Variants in MYO1G observed in about 807,000 individuals in gnomAD.
MYO1G encodes unconventional myosin-Ig.
MYO1G carries 65 observed loss-of-function variants against 115.3 expected under a neutral mutation model. The observed-to-expected ratio is 0.56, with a 90% CI of 0.46 to 0.69. The LOEUF (loss-of-function observed/expected upper bound fraction) is 0.69. Among genes scored for constraint, MYO1G ranks in the 30% least tolerant of loss-of-function variants. MYO1G has a pLI of 0.00. For missense variants in MYO1G, 1,204 were observed against 1,393.5 expected, an observed-to-expected ratio of 0.86 and a Z score of 2.16; for synonymous variants, 510 against 552.6, an observed-to-expected ratio of 0.92 and a Z score of 1.08.
At position 44,966,223 on chromosome 7, in the gene MYO1G, T is replaced by C; in HGVS notation, c.2007A>G (p.Ala669=). Residue 669 remains alanine (A), a synonymous_variant, in exon 16 of 22, where the codon GCA becomes GCG. Transcript: ENST00000258787. This position sits in a 1 kb window ranked among gnomAD's most constrained non-coding sequence, Gnocchi z 5.0. ...GCTGCTCCAGGAGAGCGCTCACGGCTGCCTTGTCGGAGCCCAGCAGGTGGT... is the reference window on the plus strand; with the variant it reads ...GCTGCTCCAGGAGAGCGCTCACGGCCGCCTTGTCGGAGCCCAGCAGGTGGT... ...WPNHLLGSDK[A]AVSALLEQHG... 6.2e-7 allele frequency: 1 copy of C among 1,612,436 alleles called. No homozygotes were observed. The highest frequency in any genetic ancestry group is 8.5e-7 in the Non-Finnish European group (1 of 1,179,794).
At chr7:44,977,203 G>C (rs983542932) in intron 1 of MYO1G, 132 bp from the exon 2 acceptor site, 4 of 800,500 alleles carry the variant, frequency 5.0e-6, no homozygotes, top group African/African-American at 3.5e-5. Flanking sequence ...AGTGGAGAAG[G>C]AAGAAGGGGG....
In MYO1G at chr7:44,971,701, T is replaced by C. The variant is rs576547378; in HGVS notation, c.818A>G (p.His273Arg). 1.3e-4 allele frequency: 201 copies of C among 1,558,246 alleles called. 1 individual carries two copies. The South Asian group carries it at 2.2e-3, about 17-fold the overall frequency. Reference sequence around the variant, plus strand: ...GTGCAATATGGCAGCCAGGATGCGATGCACAGACTCCACCTCTTCAGGACT... The same window carrying C: ...GTGCAATATGGCAGCCAGGATGCGACGCACAGACTCCACCTCTTCAGGACT... ...GFSPEEVESV[H>R]RILAAILHLG... The change falls in exon 7 of 22, where the codon CAT becomes CGT. Residue 273 changes from histidine to arginine, a missense_variant. By Grantham distance (29) the His-to-Arg change is conservative. Transcript: ENST00000258787.
At position 44,962,870 on chromosome 7, in the gene MYO1G, C is replaced by G; in HGVS notation, c.2926G>C (p.Val976Leu). 6.7e-7 allele frequency: 1 copy of G among 1,497,512 alleles called. No individual in the cohort carries two copies. The highest frequency in any genetic ancestry group is 8.9e-7 in the Non-Finnish European group (1 of 1,124,980). 92.8% of individuals were successfully genotyped at this position (1,497,512 alleles called of 1,614,324 possible). The change falls in exon 22 of 22, where the codon GTC (valine) becomes CTC (leucine). Residue 976 changes from valine to leucine, a missense_variant. Val to Leu is a conservative substitution (Grantham distance 32). Transcript: ENST00000258787. The surrounding 1 kb of genome is among the most constrained non-coding windows in gnomAD (Gnocchi z 5.3). ...QGEGRTLEVR[V>L]SDCIPLSHRG... is the part of the protein sequence containing the mutation. ...TGGCTTAGTGGGATGCAGTCGGAGA[C>G]GCGAACCTCCAGGGTGCGGCCCTCC...
chr7:44,963,152 G>A lies in MYO1G; in HGVS notation c.2746-28C>T. 1.4e-6 allele frequency: 2 copies of A among 1,411,682 alleles called. No homozygotes were observed. Among genetic ancestry groups the A allele is most frequent in the Admixed American group, 3.0e-5 (1 of 32,976 alleles). The allele number at this position is 1,411,682 out of a possible 1,614,324, so 87.4% of individuals were successfully genotyped here. A position where few individuals can be genotyped will look rare whatever the true frequency, so the allele number is the denominator to read the frequency against. ...GAGCGGAGCGCGGGGTCAGAGTGCAGCCGCCTCAACCCGCACCCCAGCCTA... is the reference window on the plus strand; with the variant it reads ...GAGCGGAGCGCGGGGTCAGAGTGCAACCGCCTCAACCCGCACCCCAGCCTA... On this transcript the variant is annotated intron_variant, in intron 20 of 21. Coordinates refer to ENST00000258787, the MANE Select transcript of MYO1G (RefSeq NM_033054.3). This position sits in a 1 kb window ranked among gnomAD's most constrained non-coding sequence, Gnocchi z 4.1.
In MYO1G at chr7:44,966,750, T is replaced by TA; in HGVS notation, c.1870dup (p.Tyr624LeufsTer33). ...CCTCACATTCTCCAGCAGCCCCAGG[T>TA]ATGCGACCTGGTGGCGACAGTGGTT... On this transcript the variant is annotated frameshift_variant, in exon 15 of 22. Transcript: ENST00000258787. LOFTEE classifies it high-confidence loss of function. The surrounding 1 kb of genome is among the most constrained non-coding windows in gnomAD (Gnocchi z 5.0). 1 of 1,613,488 alleles carries TA rather than the reference T, an allele frequency of 6.2e-7. No individual in the cohort carries two copies. The highest frequency in any genetic ancestry group is 8.5e-7 in the Non-Finnish European group (1 of 1,179,990).
In MYO1G at chr7:44,963,230, G is replaced by A. The variant is rs1440425987; in HGVS notation, c.2746-106C>T. 3.8e-6 allele frequency: 5 copies of A among 1,320,856 alleles called. No individual in the cohort carries two copies. The African/African-American group carries it at 6.3e-5, about 17-fold the overall frequency. The allele number at this position is 1,320,856 out of a possible 1,614,324, so 81.8% of individuals were successfully genotyped here. A position where few individuals can be genotyped will look rare whatever the true frequency, so the allele number is the denominator to read the frequency against. On this transcript the variant is annotated intron_variant, in intron 20 of 21. Transcript: ENST00000258787. The surrounding 1 kb of genome is among the most constrained non-coding windows in gnomAD (Gnocchi z 4.1). Reference sequence around the variant, plus strand: ...CTCTGCCGAACCCCCAACCGCACCCGGGGAGCGCCGCCCTCGCCAGGGCCA... The same window carrying A: ...CTCTGCCGAACCCCCAACCGCACCCAGGGAGCGCCGCCCTCGCCAGGGCCA...
intron 6 of MYO1G, 104 bp from the exon 7 acceptor site, chr7:44,971,893 C>T (rs1794965354): frequency 2.3e-6 from 2 of 870,984 alleles, no homozygotes; most frequent in South Asian, 1.6e-5. Flanking sequence ...CACCCCTGTC[C>T]CCTGTCCCCT....
At position 44,976,830 on chromosome 7, in the gene MYO1G, C is replaced by T. The variant is rs201946113; in HGVS notation, c.304+33G>A. On this transcript the variant is annotated intron_variant, in intron 2 of 21. Coordinates refer to ENST00000258787, the MANE Select transcript of MYO1G (RefSeq NM_033054.3). The stretch of plus-strand genomic sequence containing the variant: ...CCCAAATGTTCACAAATGAAGATGC[C>T]GAGGGTGGGGGCCCGGCGGCAGGGA... 23 of 1,609,274 alleles carry T rather than the reference C, an allele frequency of 1.4e-5. No individual in the cohort carries two copies. The East Asian group carries it at 1.8e-4, about 13-fold the overall frequency.
chr7:44,967,663 G>A lies in MYO1G; in HGVS notation c.1724C>T (p.Thr575Met), dbSNP rs370788368. ...GGAGTTCTTGAAGAGTGTGCCAGCC[G>A]TCAGGGGGCGCTTGGTCACCTCTGT... ...DITEVTKRPL[T>M]AGTLFKNSMV... Residue 575 changes from threonine to methionine, a missense_variant, in exon 14 of 22, where the codon ACG (threonine) becomes ATG (methionine). Transcript: ENST00000258787. 6.2e-6 allele frequency: 10 copies of A among 1,613,814 alleles called. No homozygotes were observed. In the South Asian group the frequency reaches 6.6e-5, roughly 11 times the overall value.
chr7:44,966,349 C>T lies in MYO1G; in HGVS notation c.1950-69G>A. 1.5e-6 allele frequency: 2 copies of T among 1,369,930 alleles called. No individual in the cohort carries two copies. Among genetic ancestry groups the T allele is most frequent in the Admixed American group, 2.0e-5 (1 of 50,460 alleles). The allele number at this position is 1,369,930 out of a possible 1,614,324, so 84.9% of individuals were successfully genotyped here. On this transcript the variant is annotated intron_variant, in intron 15 of 21. Coordinates refer to ENST00000258787, the MANE Select transcript of MYO1G (RefSeq NM_033054.3). The surrounding 1 kb of genome is among the most constrained non-coding windows in gnomAD (Gnocchi z 5.0). The stretch of plus-strand genomic sequence containing the variant: ...AGATGATGGAGCCCACCCTGCCCAC[C>T]CCACACCTGGGGAGATGGCAGGGAT...
rs1369782302 is a variant in MYO1G at position 44,974,921 on chromosome 7, C to G, written c.618+253G>C. ...AGAGACACTTATGGGTCCCAGAGAG[C>G]CCTCATCTGGAGGTGTCTCAGATAA... On this transcript the variant is annotated intron_variant, in intron 5 of 21. Coordinates refer to ENST00000258787, the MANE Select transcript of MYO1G (RefSeq NM_033054.3). 4 of 565,882 alleles carry G rather than the reference C, an allele frequency of 7.1e-6. No homozygotes were observed. The African/African-American group carries it at 7.5e-5, about 11-fold the overall frequency. 35.1% of individuals were successfully genotyped at this position (565,882 alleles called of 1,614,324 possible). A position where few individuals can be genotyped will look rare whatever the true frequency, so the allele number is the denominator to read the frequency against.
rs569615080 is a variant in MYO1G, at chr7:44,970,618, A to G, written c.1191T>C (p.Tyr397=). ...KDTVIGVLDI[Y]GFEVFPVNSF... is the part of the protein sequence containing the mutation. Reference sequence around the variant, plus strand: ...TGTTGACGGGAAACACCTCGAAGCCATAGATGTCCAGCACGCCAATGACTG... The same window carrying G: ...TGTTGACGGGAAACACCTCGAAGCCGTAGATGTCCAGCACGCCAATGACTG... Residue 397 remains tyrosine, a synonymous_variant, in exon 9 of 22, where the codon TAT becomes TAC. Coordinates refer to ENST00000258787, the MANE Select transcript of MYO1G (RefSeq NM_033054.3). 8.1e-6 allele frequency: 13 copies of G among 1,613,656 alleles called. No individual in the cohort carries two copies. Among genetic ancestry groups the G allele is most frequent in the African/African-American group, 2.7e-5 (2 of 75,064 alleles).
rs533218684 is a variant in MYO1G at position 44,967,951 on chromosome 7, C to T, written c.1582G>A (p.Val528Met). The T allele has an allele frequency of 3.6e-5, 58 of 1,613,894 alleles. No individual in the cohort carries two copies. The highest frequency in any genetic ancestry group is 4.5e-5 in the Non-Finnish European group (53 of 1,179,990). The change falls in exon 13 of 22, where the codon GTG becomes ATG. Residue 528 changes from valine (V) to methionine (M), a missense_variant. Val to Met is a conservative substitution (Grantham distance 21). Coordinates refer to ENST00000258787, the MANE Select transcript of MYO1G (RefSeq NM_033054.3). ...CTGTTCTTGTCGATGAAGCCTTCCACGGAGTACCTACCAGAAGCCAGGGCT... is the reference window on the plus strand; with the variant it reads ...CTGTTCTTGTCGATGAAGCCTTCCATGGAGTACCTACCAGAAGCCAGGGCT... Reference protein sequence around the residue: ...KHYAGDVTYSVEGFIDKNRDF... With the variant: ...KHYAGDVTYSMEGFIDKNRDF...
chr7:44,972,347 GA>G, intron 5 of MYO1G, 122 bp from the exon 6 acceptor site: 1 of 727,730 alleles, frequency 1.4e-6, no homozygotes, highest in Non-Finnish European at 2.4e-6. Context: ...AAACGTGGGG[GA>G]AGGTCAGACA....
At chr7:44,975,128 CT>C (rs756900031) in intron 5 of MYO1G, 45 bp downstream of exon 5, 3 of 1,603,934 alleles carry the variant, frequency 1.9e-6, no homozygotes, top group Non-Finnish European at 1.7e-6. Context: ...GCTGCCCTCC[CT>C]TTCCCCACCC....
chr7:44,969,564 AG>A lies in MYO1G; in HGVS notation c.1504-82del. On this transcript the variant is annotated intron_variant, in intron 11 of 21. Coordinates refer to ENST00000258787, the MANE Select transcript of MYO1G (RefSeq NM_033054.3). The surrounding 1 kb of genome is among the most constrained non-coding windows in gnomAD (Gnocchi z 5.0). ...GGGATAGCCCTGCCTCCCCACCTCC[AG>A]GGCAGAGAAGGTTGCCACAGTGACG... 1.3e-6 allele frequency: 2 copies of A among 1,583,374 alleles called. No homozygotes were observed. The highest frequency in any genetic ancestry group is 1.7e-6 in the Non-Finnish European group (2 of 1,153,658).
chr7:44,975,621 A>T lies in MYO1G; in HGVS notation c.427T>A (p.Cys143Ser). 6.2e-7 allele frequency: 1 copy of T among 1,613,292 alleles called. No individual in the cohort carries two copies. The highest frequency in any genetic ancestry group is 8.5e-7 in the Non-Finnish European group (1 of 1,179,460). Residue 143 changes from cysteine to serine, a missense_variant, in exon 4 of 22, where the codon TGT (cysteine) becomes AGT (serine). Transcript: ENST00000258787. ...RVKDVLLKST[C>S]VLEAFGNART... ...GCATTGCCAAAGGCCTCCAGCACAC[A>T]GGTGGACTTGAGCAGCACGTCCTTG...
Position 44,963,937 on chromosome 7 carries a change from T to A in MYO1G, c.2745+112A>T. On this transcript the variant is annotated intron_variant, in intron 20 of 21. Coordinates refer to ENST00000258787, the MANE Select transcript of MYO1G (RefSeq NM_033054.3). This position sits in a 1 kb window ranked among gnomAD's most constrained non-coding sequence, Gnocchi z 4.1. ...GTGCCACCATCGCTGAGTTTTAGGA[T>A]GGTCTGGGCCATCTCAGGTAAACAG... 1.2e-6 allele frequency: 1 copy of A among 869,534 alleles called. No individual in the cohort carries two copies. Among genetic ancestry groups the A allele is most frequent in the Non-Finnish European group, 1.8e-6 (1 of 553,458 alleles). 53.9% of individuals were successfully genotyped at this position (869,534 alleles called of 1,614,324 possible). A position where few individuals can be genotyped will look rare whatever the true frequency, so the allele number is the denominator to read the frequency against.
chr7:44,978,862 C>T lies in MYO1G; in HGVS notation c.95+5G>A. The T allele has an allele frequency of 1.9e-6, 3 of 1,613,760 alleles. No individual in the cohort carries two copies. Among genetic ancestry groups the T allele is most frequent in the Non-Finnish European group, 2.5e-6 (3 of 1,179,660 alleles). ...GGGAGCCACTGCCTCCTGCCCTGGG[C>T]CTACCTGAGCTGCAGGTTCCTCATG... On this transcript the variant is annotated splice_donor_5th_base_variant and intron_variant, in intron 1 of 21. Coordinates refer to ENST00000258787, the MANE Select transcript of MYO1G (RefSeq NM_033054.3).
Sources: allele counts gnomAD v4.1 joint callset, GRCh38; gene constraint gnomAD v4.1.1; non-coding constraint Gnocchi (gnomAD v3.1); transcripts MANE v1.5; gene names NCBI Gene and HGNC (gene_info 2026-07-23, HGNC 2026-07-21).